TTC28: variants seen among roughly 807,000 people sequenced by gnomAD.
The protein encoded by TTC28 is tetratricopeptide repeat protein 28.
In TTC28, 61 loss-of-function variants were observed where a neutral mutation model predicts 198.0. The ratio of observed to expected loss-of-function variants is 0.31; its 90% CI spans 0.25 to 0.38. The LOEUF is 0.38. TTC28 is among the 10% of genes least tolerant of loss of function. The pLI is 1.00. For missense variants in TTC28, 2,678 were observed against 3,164.0 expected (o/e 0.85, Z 3.69); for synonymous variants, 1,171 against 1,297.8 (o/e 0.90, Z 2.10).
At chr22:28,361,650 C>T (rs957950304) in intron 2 of TTC28, among the ~76,000 whole-genome samples, 5 of 152,190 alleles carry the variant, frequency 3.3e-5, no homozygotes, top group Non-Finnish European at 5.9e-5. Context: ...ATGAAGGTGG[C>T]TACACCAAGC....
At chr22:28,071,867 AG>A (rs1284612047) in intron 12 of TTC28, among the ~76,000 whole-genome samples, 2 of 152,180 alleles carry the variant, frequency 1.3e-5, no homozygotes, top group African/African-American at 4.8e-5. Context: ...GCTTATTAGC[AG>A]GAACTCCTCA....
chr22:28,270,453 C>A (rs1451193506), intron 5 of TTC28, among the ~76,000 whole-genome samples: 1 of 151,902 alleles, frequency 6.6e-6, no homozygotes, highest in Non-Finnish European at 1.5e-5. Flanking sequence ...TGTGCTTTAC[C>A]TGAAGAAGAC....
At chr22:28,234,002 G>T (rs1929030229) in intron 5 of TTC28, among the ~76,000 whole-genome samples, 1 of 151,904 alleles carries the variant, frequency 6.6e-6, no homozygotes, top group Admixed American at 6.6e-5. Context: ...CGCCTCCCGG[G>T]TTCACGCTGT....
At chr22:28,039,106 G>T (rs1939497720) in intron 12 of TTC28, among the ~76,000 whole-genome samples, 2 of 152,224 alleles carry the variant, frequency 1.3e-5, no homozygotes, top group Admixed American at 1.3e-4. Flanking sequence ...GTGGAAGTCA[G>T]TGTGGCGATT....
At chr22:28,157,734 C>A (rs768428442) in intron 6 of TTC28, among the ~76,000 whole-genome samples, 1 of 151,812 alleles carries the variant, frequency 6.6e-6, no homozygotes, top group African/African-American at 2.4e-5. Flanking sequence ...TAAAAACGCT[C>A]AAAAAAACGG....
intron 12 of TTC28, 84 bp from the exon 13 acceptor site, chr22:28,030,450 T>A (rs1356556490): frequency 7.3e-6 from 11 of 1,508,616 alleles, no homozygotes; most frequent in Non-Finnish European, 9.8e-6. Flanking sequence ...TATGCCATTC[T>A]GTCACCAAAC....
At chr22:28,230,562 T>A (rs776003168) in intron 5 of TTC28, among the ~76,000 whole-genome samples, 3 of 152,220 alleles carry the variant, frequency 2.0e-5, no homozygotes, top group Non-Finnish European at 4.4e-5. Flanking sequence ...AAGAGGTTCC[T>A]CCACATTTCC....
intron 2 of TTC28, among the ~76,000 whole-genome samples, chr22:28,427,941 G>A (rs75947367): frequency 0.016 from 2,460 of 152,124 alleles, 88 homozygotes; most frequent in African/African-American, 0.057. Flanking sequence ...GAGACAATAT[G>A]TACACCTCTT....
chr22:28,150,357 A>G (rs1308275489), intron 6 of TTC28, among the ~76,000 whole-genome samples: 1 of 152,220 alleles, frequency 6.6e-6, no homozygotes, highest in Non-Finnish European at 1.5e-5. Flanking sequence ...AGAATTCTCC[A>G]TGAAGGAGAA....
At chr22:28,479,536 G>T (rs1401603024) in intron 2 of TTC28, among the ~76,000 whole-genome samples, 1 of 152,158 alleles carries the variant, frequency 6.6e-6, no homozygotes, top group East Asian at 1.9e-4. Flanking sequence ...GCTGTTGCAT[G>T]TAACAGAATT....
intron 1 of TTC28, among the ~76,000 whole-genome samples, chr22:28,632,663 A>C (rs1451204617): frequency 2.0e-5 from 3 of 152,120 alleles, no homozygotes; most frequent in African/African-American, 7.2e-5. Flanking sequence ...TAAGTTATAG[A>C]AACAAATTCT....
chr22:28,509,830 AT>A (rs1325005597), intron 2 of TTC28, among the ~76,000 whole-genome samples: 1 of 152,198 alleles, frequency 6.6e-6, no homozygotes, highest in Non-Finnish European at 1.5e-5. Context: ...CAATAAAAAA[AT>A]GATAAGGGGG....
chr22:28,593,296 A>G (rs2050468472), intron 2 of TTC28, among the ~76,000 whole-genome samples: 1 of 152,156 alleles, frequency 6.6e-6, no homozygotes, highest in Non-Finnish European at 1.5e-5. Context: ...TAATTGTCCA[A>G]AATGACTTAT....
intron 12 of TTC28, among the ~76,000 whole-genome samples, chr22:28,057,875 G>A (rs548558197): frequency 2.8e-4 from 42 of 151,962 alleles, no homozygotes; most frequent in African/African-American, 9.6e-4. Context: ...GTATTGTTTT[G>A]GTATCTCTGT....
chr22:28,161,653 CAAGAAAGA>C (rs552537925), intron 6 of TTC28, among the ~76,000 whole-genome samples: 1 of 146,892 alleles, frequency 6.8e-6, no homozygotes, highest in African/African-American at 2.5e-5. Context: ...GACCCTGTCT[CAAGAAAGA>C]AAGAAAGAAA....
At chr22:28,258,214 GCACAGGTCA>G (rs1931091016) in intron 5 of TTC28, among the ~76,000 whole-genome samples, 2 of 152,108 alleles carry the variant, frequency 1.3e-5, no homozygotes, top group African/African-American at 4.8e-5. Flanking sequence ...GGTTGAACGT[GCACAGGTCA>G]CACAATGGAA....
At chr22:28,384,325 T>C (rs541158674) in intron 2 of TTC28, among the ~76,000 whole-genome samples, 6 of 152,286 alleles carry the variant, frequency 3.9e-5, no homozygotes, top group Non-Finnish European at 5.9e-5. Flanking sequence ...TGGCCTTGAG[T>C]GACCCTCTTG....
At chr22:28,128,192 C>T (rs1942963368) in intron 6 of TTC28, among the ~76,000 whole-genome samples, 1 of 152,120 alleles carries the variant, frequency 6.6e-6, no homozygotes, top group African/African-American at 2.4e-5. Context: ...GTGGCTCACG[C>T]CTATAATCCC....
intron 12 of TTC28, among the ~76,000 whole-genome samples, chr22:28,090,088 C>T (rs1416651673): frequency 1.3e-5 from 2 of 151,442 alleles, no homozygotes; most frequent in African/African-American, 2.4e-5. Flanking sequence ...ACGTTGTGCA[C>T]ATGTATCCTA....
Sources: allele counts gnomAD v4.1 joint callset (sites outside exome capture counted in the v4.1 genomes callset), GRCh38; gene constraint gnomAD v4.1.1; transcripts MANE v1.5; gene names NCBI Gene and HGNC (gene_info 2026-07-23, HGNC 2026-07-21).